Variants in COPG2 observed in about 807,000 individuals in gnomAD.
COPG2 encodes the protein coatomer subunit gamma-2.
Under a neutral mutation model 46.3 loss-of-function variants are expected in COPG2, and 37 were observed. That is an observed-to-expected ratio of 0.80 (90% CI 0.61 to 1.05). COPG2 has a LOEUF of 1.05. Among genes scored for constraint, COPG2 ranks in the 50% least tolerant of loss-of-function variants. The probability of loss-of-function intolerance (pLI) is 0.00; values close to 1 mark genes in which losing one functional copy is unlikely to be tolerated. For synonymous variants in COPG2, 159 were observed against 129.7 expected (o/e 1.23, Z -1.53); for missense variants, 427 against 387.8 (o/e 1.10, Z -0.85).
At chr7:130,547,529 C>A (rs1400213248) in intron 20 of COPG2, 145 bp downstream of exon 20, 37 of 395,604 alleles carry the variant, frequency 9.4e-5, no homozygotes, top group Non-Finnish European at 1.5e-4. Context: ...TATATATTCA[C>A]ACACACACAA....
intron 6 of COPG2, among the ~76,000 whole-genome samples, chr7:130,616,750 T>C (rs1456929169): frequency 3.3e-5 from 5 of 152,112 alleles, no homozygotes; most frequent in South Asian, 2.1e-4. Context: ...CTGCAAGCAA[T>C]GTACCCTCAC....
intron 9 of COPG2, among the ~76,000 whole-genome samples, chr7:130,588,929 AT>A (rs1251861201): frequency 6.6e-6 from 1 of 152,186 alleles, no homozygotes; most frequent in Non-Finnish European, 1.5e-5. Context: ...ATATAAAAAA[AT>A]ATTTACCCCC....
intron 9 of COPG2, among the ~76,000 whole-genome samples, chr7:130,577,240 G>T (rs1794017567): frequency 6.6e-6 from 1 of 152,234 alleles, no homozygotes; most frequent in South Asian, 2.1e-4. Context: ...GGTGATTTCT[G>T]CATTTCCATC....
rs146628004 is a variant in COPG2 at position 130,597,312 on chromosome 7, C to T, written c.737+13641G>A. Among the ~76,000 whole-genome samples the T allele has an allele frequency of 1.1e-4, 16 of 152,316 alleles. No homozygotes were observed. The East Asian group carries it at 2.9e-3, about 28-fold the overall frequency. ...GGGTGCTGGGACTATCTGGGTGTAT[C>T]TTTTTCGATGTCTGATCTAGCCTAC... On this transcript the variant is annotated intron_variant, in intron 9 of 23. Transcript: ENST00000425248.
At chr7:130,589,251 C>A (rs899264238) in intron 9 of COPG2, among the ~76,000 whole-genome samples, 2 of 151,832 alleles carry the variant, frequency 1.3e-5, no homozygotes, top group Non-Finnish European at 2.9e-5. Context: ...AAGGGAGAAA[C>A]TGCTGGATTC....
rs559781802 is a variant in COPG2, at chr7:130,621,248, C to T, written c.324-4183G>A. ...TCTGCCTATACTTCTGACATCAAACCGGTGAAACTGATTTTAGACTTCTAG... is the reference window on the plus strand; with the variant it reads ...TCTGCCTATACTTCTGACATCAAACTGGTGAAACTGATTTTAGACTTCTAG... On this transcript the variant is annotated intron_variant, in intron 5 of 23. Coordinates refer to ENST00000425248, the MANE Select transcript of COPG2 (RefSeq NM_012133.6). 5.3e-5 allele frequency among the ~76,000 whole-genome samples: 8 copies of T among 152,322 alleles called. No homozygotes were observed. In the East Asian group the frequency reaches 1.2e-3, roughly 22 times the overall value.
intron 11 of COPG2, 30 bp from the exon 12 acceptor site, chr7:130,561,251 C>T: frequency 2.5e-6 from 1 of 398,418 alleles, no homozygotes; most frequent in Non-Finnish European, 4.4e-6. Context: ...AAAAATTAAG[C>T]AAATTGCTTT....
At chr7:130,534,814 T>C (rs945181111) in intron 20 of COPG2, among the ~76,000 whole-genome samples, 11 of 151,736 alleles carry the variant, frequency 7.2e-5, no homozygotes, top group Non-Finnish European at 1.3e-4. Flanking sequence ...TGGGCAGGGG[T>C]GCATGGGCTC....
At chr7:130,646,982 T>TAC (rs1491320596) in intron 5 of COPG2, among the ~76,000 whole-genome samples, 342 of 1,750 alleles carry the variant, frequency 0.2, 3 homozygotes, top group Middle Eastern at 0.5. Flanking sequence ...TATATATATA[T>TAC]GTATATATAT....
chr7:130,603,978 C>A, intron 9 of COPG2: 2 of 405,764 alleles, frequency 4.9e-6, no homozygotes, highest in African/African-American at 2.1e-5. Flanking sequence ...ATAAAGTAAG[C>A]TAGAGAAAAG....
At chr7:130,605,699 G>A in intron 9 of COPG2, 2 of 518,158 alleles carry the variant, frequency 3.9e-6, no homozygotes, top group Non-Finnish European at 7.7e-6. Context: ...TCAAGGAAAT[G>A]AATTTGGCCA....
intron 10 of COPG2, among the ~76,000 whole-genome samples, chr7:130,563,940 CTG>C (rs1793761027): frequency 6.6e-6 from 1 of 151,030 alleles, no homozygotes; most frequent in African/African-American, 2.4e-5. Context: ...CCAAGGAAAA[CTG>C]TAAAATGTTT....
chr7:130,506,667 A>G lies in COPG2; in HGVS notation c.*9T>C, dbSNP rs1554440094. The G allele has an allele frequency of 1.3e-6, 1 of 778,602 alleles. No individual in the cohort carries two copies. Among genetic ancestry groups the G allele is most frequent in the Non-Finnish European group, 2.4e-6 (1 of 416,816 alleles). The allele number at this position is 778,602 out of a possible 1,614,324, so 48.2% of individuals were successfully genotyped here. On this transcript the variant is annotated 3_prime_UTR_variant, in exon 24 of 24. Coordinates refer to ENST00000425248, the MANE Select transcript of COPG2 (RefSeq NM_012133.6). ...AGTGTGCATCAGTTTCCTCTTGTCC[A>G]GTAAGCATTTATCCAACAGAAGCTA...
At chr7:130,610,016 TAA>T in intron 9 of COPG2, 1 of 508,182 alleles carries the variant, frequency 2.0e-6, no homozygotes, top group South Asian at 1.5e-5. Context: ...TAGTAATTTC[TAA>T]AGTCACTGCC....
Position 130,662,964 on chromosome 7 carries a change from T to TA in COPG2, c.243+2dup. 1 of 1,532,724 alleles carries TA rather than the reference T, an allele frequency of 6.5e-7. No homozygotes were observed. The highest frequency in any genetic ancestry group is 1.2e-5 in the South Asian group (1 of 81,208). 94.9% of individuals were successfully genotyped at this position (1,532,724 alleles called of 1,614,324 possible). A position where few individuals can be genotyped will look rare whatever the true frequency, so the allele number is the denominator to read the frequency against. On this transcript the variant is annotated splice_region_variant and intron_variant, in intron 4 of 23. Coordinates refer to ENST00000425248, the MANE Select transcript of COPG2 (RefSeq NM_012133.6). Reference sequence around the variant, plus strand: ...ATCGTAAAAAAAATTTAAAAAGACTTACATCATTAGATTGAAACAATCGCG... The same window carrying TA: ...ATCGTAAAAAAAATTTAAAAAGACTTAACATCATTAGATTGAAACAATCGCG...
At chr7:130,537,024 A>G (rs1215656646) in intron 20 of COPG2, among the ~76,000 whole-genome samples, 3 of 152,130 alleles carry the variant, frequency 2.0e-5, no homozygotes, top group African/African-American at 4.8e-5. Flanking sequence ...AGGAGCACCC[A>G]GGAGGAGCAG....
chr7:130,610,027 C>T, intron 9 of COPG2: 1 of 510,664 alleles, frequency 2.0e-6, no homozygotes, highest in Non-Finnish European at 3.9e-6. Flanking sequence ...AAAGTCACTG[C>T]CTCCTAATTT....
chr7:130,526,162 T>C (rs1382986036), intron 20 of COPG2, among the ~76,000 whole-genome samples: 3 of 151,356 alleles, frequency 2.0e-5, no homozygotes, highest in East Asian at 3.9e-4. Context: ...GGCTGGAGTG[T>C]AAGAGGGGAA....
At chr7:130,631,938 G>A (rs1445335952) in intron 5 of COPG2, among the ~76,000 whole-genome samples, 4 of 151,984 alleles carry the variant, frequency 2.6e-5, no homozygotes, top group Admixed American at 6.5e-5. Context: ...TTCTTTCAGC[G>A]GTTTTTAAGT....
Sources: gnomAD v4.1 joint callset for allele counts (sites outside exome capture counted in the v4.1 genomes callset) on GRCh38, gnomAD v4.1.1 for gene constraint, MANE v1.5 for transcripts, NCBI Gene and HGNC (gene_info 2026-07-23, HGNC 2026-07-21) for gene names.